MKLN1: variants seen among roughly 807,000 people sequenced by gnomAD.
MKLN1 encodes the protein muskelin.
In MKLN1, 18 loss-of-function variants were observed where a neutral mutation model predicts 99.0. The ratio of observed to expected loss-of-function variants is 0.18; its 90% CI spans 0.13 to 0.27. MKLN1 has a LOEUF of 0.27. Ranked by LOEUF, MKLN1 falls within the 10% of genes least tolerant of loss-of-function variation. The probability of loss-of-function intolerance (pLI) is 1.00; values close to 1 mark genes in which losing one functional copy is unlikely to be tolerated. For missense variants in MKLN1, 621 were observed against 875.9 expected, an observed-to-expected ratio of 0.71 and a Z score of 3.67; for synonymous variants, 288 against 293.2, an observed-to-expected ratio of 0.98 and a Z score of 0.18.
intron 1 of MKLN1, among the ~76,000 whole-genome samples, chr7:131,330,637 A>G (rs1390802030): frequency 6.6e-6 from 1 of 152,212 alleles, no homozygotes; most frequent in Non-Finnish European, 1.5e-5. Flanking sequence ...AGGTATATAT[A>G]GTACAGGAAA....
At chr7:131,251,839 C>A (rs371411632) in intron 3 of MKLN1, among the ~76,000 whole-genome samples, 2 of 151,898 alleles carry the variant, frequency 1.3e-5, no homozygotes, top group Non-Finnish European at 2.9e-5. Flanking sequence ...CCAAGAAATT[C>A]TTGTATTTTT....
chr7:131,328,475 C>A (rs998621545), intron 1 of MKLN1, among the ~76,000 whole-genome samples: 5 of 152,054 alleles, frequency 3.3e-5, no homozygotes, highest in Non-Finnish European at 5.9e-5. Flanking sequence ...AGAGTGGGGT[C>A]ATTAAAAGTG....
rs561476118 is a variant in MKLN1 at position 131,401,885 on chromosome 7, C to G, written c.703+2452C>G. On this transcript the variant is annotated intron_variant, in intron 6 of 17. Transcript: ENST00000352689. Reference sequence around the variant, plus strand: ...TAAAAAATGCTAATGATCATCTGAGCCTTCAGTGAGTTATACTCTTTTTGC... The same window carrying G: ...TAAAAAATGCTAATGATCATCTGAGGCTTCAGTGAGTTATACTCTTTTTGC... Among the ~76,000 whole-genome samples the G allele has an allele frequency of 9.9e-5, 15 of 152,198 alleles. No homozygotes were observed. The East Asian group carries it at 2.9e-3, about 29-fold the overall frequency.
chr7:131,231,284 C>A (rs970057143), intron 3 of MKLN1, among the ~76,000 whole-genome samples: 1 of 152,044 alleles, frequency 6.6e-6, no homozygotes, highest in Admixed American at 6.6e-5. Flanking sequence ...GAGTCTTAAC[C>A]TATCAGTACA....
At chr7:131,155,414 T>C (rs1795948654) in intron 2 of MKLN1, among the ~76,000 whole-genome samples, 1 of 152,238 alleles carries the variant, frequency 6.6e-6, no homozygotes, top group Non-Finnish European at 1.5e-5. Flanking sequence ...ATCCTTTAGT[T>C]GTAAACATAC....
chr7:131,440,969 A>C (rs1190729132), intron 10 of MKLN1, among the ~76,000 whole-genome samples: 1 of 152,200 alleles, frequency 6.6e-6, no homozygotes, highest in Non-Finnish European at 1.5e-5. Context: ...AAGAGAACTA[A>C]AATGAGACTG....
intron 3 of MKLN1, among the ~76,000 whole-genome samples, chr7:131,257,348 C>T (rs1416780227): frequency 1.3e-5 from 2 of 152,122 alleles, no homozygotes; most frequent in African/African-American, 4.8e-5. Context: ...AATTAAATGA[C>T]ACATTCCTAA....
intron 3 of MKLN1, among the ~76,000 whole-genome samples, chr7:131,279,998 C>A (rs1468935833): frequency 6.6e-6 from 1 of 152,174 alleles, no homozygotes; most frequent in East Asian, 1.9e-4. Context: ...CAGGCAACCA[C>A]TAATCTACTT....
chr7:131,291,776 A>AC (rs1464034389), intron 3 of MKLN1, among the ~76,000 whole-genome samples: 2 of 149,982 alleles, frequency 1.3e-5, no homozygotes, highest in African/African-American at 4.9e-5. Flanking sequence ...TTAAAAAAAA[A>AC]AAAGAAAAAA....
In MKLN1 at chr7:131,481,813, CAAA is replaced by C. The variant is rs35675974; in HGVS notation, c.2086+3153_2086+3155del. Among the ~76,000 whole-genome samples the C allele has an allele frequency of 4.0e-4, 44 of 109,202 alleles. No homozygotes were observed. In the South Asian group the frequency reaches 5.0e-3, roughly 12 times the overall value. 71.6% of individuals were successfully genotyped at this position (109,202 alleles called of 152,430 possible). A position where few individuals can be genotyped will look rare whatever the true frequency, so the allele number is the denominator to read the frequency against. ...TGAATATTTCATTTTCTAAGGTCTG[CAAA>C]AAAAAAAAAAAAAAAACCTCAGCCG... On this transcript the variant is annotated intron_variant, in intron 17 of 17. Transcript: ENST00000352689.
intron 1 of MKLN1, 92 bp downstream of exon 1, chr7:131,328,089 G>A: frequency 6.7e-7 from 1 of 1,483,486 alleles, no homozygotes; most frequent in East Asian, 2.5e-5. Flanking sequence ...GAGCCGAGAG[G>A]CCCAGGCGGG....
At chr7:131,216,083 T>C (rs561049207) in intron 3 of MKLN1, among the ~76,000 whole-genome samples, 10 of 152,288 alleles carry the variant, frequency 6.6e-5, no homozygotes, top group Non-Finnish European at 1.0e-4. Context: ...CATTTATTGC[T>C]TTGCATTTCC....
At chr7:131,444,821 A>AGTAGTG in intron 11 of MKLN1, among the ~76,000 whole-genome samples, 1 of 120,316 alleles carries the variant, frequency 8.3e-6, no homozygotes, top group African/African-American at 3.2e-5. Flanking sequence ...TAGTAGTAGT[A>AGTAGTG]GAAGTGGAAG....
At chr7:131,455,505 G>A (rs1266580355) in intron 12 of MKLN1, among the ~76,000 whole-genome samples, 1 of 152,082 alleles carries the variant, frequency 6.6e-6, no homozygotes, top group African/African-American at 2.4e-5. Flanking sequence ...GATAATTGTT[G>A]TATCATTCTT....
intron 1 of MKLN1, among the ~76,000 whole-genome samples, chr7:131,133,819 G>GTTTTT (rs1563226557): frequency 1.3e-4 from 9 of 67,240 alleles, no homozygotes; most frequent in Non-Finnish European, 2.2e-4. Context: ...TTTTTAATTT[G>GTTTTT]GTTTTTTTTT....
intron 9 of MKLN1, among the ~76,000 whole-genome samples, chr7:131,430,664 C>G (rs943348096): frequency 6.6e-6 from 1 of 152,154 alleles, no homozygotes; most frequent in Non-Finnish European, 1.5e-5. Context: ...TTTCAAATGT[C>G]TTTTCCTCTC....
intron 1 of MKLN1, among the ~76,000 whole-genome samples, chr7:131,359,886 A>G (rs1799979166): frequency 6.6e-6 from 1 of 152,088 alleles, no homozygotes; most frequent in Admixed American, 6.6e-5. Flanking sequence ...GGCCTGCACC[A>G]CCACGCCTAG....
chr7:131,113,845 T>C (rs1356780828), intron 1 of MKLN1, among the ~76,000 whole-genome samples: 2 of 151,926 alleles, frequency 1.3e-5, no homozygotes, highest in African/African-American at 4.8e-5. Flanking sequence ...AGCAGCCACC[T>C]TCACAAGGCA....
intron 12 of MKLN1, among the ~76,000 whole-genome samples, chr7:131,452,289 C>T (rs1423405102): frequency 6.6e-6 from 1 of 152,126 alleles, no homozygotes; most frequent in Admixed American, 6.5e-5. Context: ...GATCATAAGA[C>T]CTCATCTAGC....
Sources: allele counts gnomAD v4.1 joint callset (sites outside exome capture counted in the v4.1 genomes callset), GRCh38; gene constraint gnomAD v4.1.1; transcripts MANE v1.5; gene names NCBI Gene and HGNC (gene_info 2026-07-23, HGNC 2026-07-21).